ZNF438: variants seen among roughly 807,000 people sequenced by gnomAD.
ZNF438 encodes the protein zinc finger protein 438.
A neutral mutation model predicts 38.0 loss-of-function variants in ZNF438; 25 were observed. That is an observed-to-expected ratio of 0.66 (90% CI 0.48 to 0.92). ZNF438 has a LOEUF of 0.92. ZNF438 is among the 40% of genes least tolerant of loss of function. The pLI, the probability that ZNF438 is intolerant of heterozygous loss-of-function variation, is 0.00. For missense variants in ZNF438, 1,007 were observed against 999.6 expected, an observed-to-expected ratio of 1.01 and a Z score of -0.10; for synonymous variants, 372 against 364.1, an observed-to-expected ratio of 1.02 and a Z score of -0.25.
intron 4 of ZNF438, among the ~76,000 whole-genome samples, chr10:30,850,583 T>C (rs374709457): frequency 1.1e-4 from 16 of 152,194 alleles, no homozygotes; most frequent in African/African-American, 3.9e-4. Flanking sequence ...GTTCCTTAGC[T>C]CCTATTATGT....
At chr10:30,955,740 T>C (rs2048793379) in intron 1 of ZNF438, among the ~76,000 whole-genome samples, 1 of 152,240 alleles carries the variant, frequency 6.6e-6, no homozygotes, top group Non-Finnish European at 1.5e-5. Context: ...TAAATGAGAC[T>C]TGCTGTTTCA....
At chr10:30,867,640 A>T (rs1239740630) in intron 4 of ZNF438, among the ~76,000 whole-genome samples, 4 of 152,198 alleles carry the variant, frequency 2.6e-5, no homozygotes, top group African/African-American at 9.6e-5. Context: ...TTGAGATTCT[A>T]TAATTGTGTG....
chr10:30,954,078 G>A (rs921156588), intron 1 of ZNF438, among the ~76,000 whole-genome samples: 3 of 152,092 alleles, frequency 2.0e-5, no homozygotes, highest in African/African-American at 7.2e-5. Flanking sequence ...GGGATGTGGA[G>A]GTTGCATTGA....
At chr10:30,881,757 TAG>T (rs1193712188) in intron 3 of ZNF438, among the ~76,000 whole-genome samples, 3 of 151,196 alleles carry the variant, frequency 2.0e-5, no homozygotes, top group East Asian at 2.0e-4. Flanking sequence ...TGCAACAAAA[TAG>T]AGAGTCCATA....
chr10:30,954,648 C>CA (rs2048666306), intron 1 of ZNF438, among the ~76,000 whole-genome samples: 1 of 151,944 alleles, frequency 6.6e-6, no homozygotes, highest in South Asian at 2.1e-4. Context: ...GGTGTTGTTT[C>CA]AAAATACCTT....
At chr10:31,012,475 T>C (rs553470282) in intron 1 of ZNF438, among the ~76,000 whole-genome samples, 9 of 152,296 alleles carry the variant, frequency 5.9e-5, no homozygotes, top group Admixed American at 5.2e-4. Context: ...TACATACAAG[T>C]ATGTATATGT....
chr10:31,031,581 G>C (rs776036380), intron 1 of ZNF438, among the ~76,000 whole-genome samples: 15 of 152,174 alleles, frequency 9.9e-5, no homozygotes, highest in Non-Finnish European at 1.8e-4. Flanking sequence ...TCGCTCCCAG[G>C]CTCGGAGACG....
chr10:30,948,150 A>T (rs150254468), intron 1 of ZNF438, among the ~76,000 whole-genome samples: 5,328 of 152,204 alleles, frequency 0.035, 308 homozygotes, highest in African/African-American at 0.12. Flanking sequence ...CCGACATCTC[A>T]CACGGCAGGG....
At chr10:30,919,252 G>A (rs765880834) in intron 2 of ZNF438, 8 of 151,836 alleles carry the variant, frequency 5.3e-5, no homozygotes, top group Admixed American at 2.6e-4. Flanking sequence ...TGAATTAATC[G>A]AATTTCCCAT....
chr10:30,936,004 A>G (rs186057574), intron 2 of ZNF438, among the ~76,000 whole-genome samples: 2 of 152,306 alleles, frequency 1.3e-5, no homozygotes, highest in Non-Finnish European at 2.9e-5. Context: ...CATCCAAACT[A>G]TAGAAGAGGT....
At chr10:30,907,589 T>C (rs1455134767) in intron 3 of ZNF438, among the ~76,000 whole-genome samples, 1 of 152,206 alleles carries the variant, frequency 6.6e-6, no homozygotes, top group Non-Finnish European at 1.5e-5. Context: ...GACTCCGTTT[T>C]GGTAGTTTTT....
chr10:30,976,749 AAAAAAGAAG>A (rs1356480796), intron 1 of ZNF438, among the ~76,000 whole-genome samples: 1 of 152,176 alleles, frequency 6.6e-6, no homozygotes, highest in Non-Finnish European at 1.5e-5. Flanking sequence ...ATAAAAAAAA[AAAAAAGAAG>A]TCATATTACT....
chr10:30,967,789 G>A (rs1311480899), intron 1 of ZNF438, among the ~76,000 whole-genome samples: 1 of 152,172 alleles, frequency 6.6e-6, no homozygotes, highest in Non-Finnish European at 1.5e-5. Flanking sequence ...CTTGGCCAGT[G>A]CAAGCAGGCC....
chr10:31,004,061 G>A (rs112609614), intron 1 of ZNF438, among the ~76,000 whole-genome samples: 25 of 152,226 alleles, frequency 1.6e-4, no homozygotes, highest in African/African-American at 5.1e-4. Flanking sequence ...CTTCTCAATG[G>A]GGGGTGATTT....
chr10:30,951,366 C>A (rs2048172242), intron 1 of ZNF438, among the ~76,000 whole-genome samples: 1 of 150,050 alleles, frequency 6.7e-6, no homozygotes, highest in Admixed American at 6.7e-5. Context: ...TCTCACCACT[C>A]CTATTCAACA....
upstream of ZNF438, among the ~76,000 whole-genome samples, chr10:31,032,347 A>G (rs189434106): frequency 2.4e-3 from 362 of 152,126 alleles, 2 homozygotes; most frequent in African/African-American, 8.6e-3. Context: ...AGCCCTGAAA[A>G]GACAGCTCTC....
intron 1 of ZNF438, among the ~76,000 whole-genome samples, chr10:30,957,105 T>C (rs945139376): frequency 2.0e-5 from 3 of 152,198 alleles, no homozygotes; most frequent in African/African-American, 7.2e-5. Flanking sequence ...AAGATGATAA[T>C]CTCATTACTG....
At chr10:30,872,214 G>T (rs139037305) in intron 4 of ZNF438, among the ~76,000 whole-genome samples, 110 of 151,482 alleles carry the variant, frequency 7.3e-4, no homozygotes, top group African/African-American at 2.6e-3. Flanking sequence ...TAAGCCAGGG[G>T]GTTAAATTCA....
intron 3 of ZNF438, among the ~76,000 whole-genome samples, chr10:30,878,620 G>A (rs1258572238): frequency 2.0e-5 from 3 of 152,118 alleles, no homozygotes; most frequent in African/African-American, 4.8e-5. Flanking sequence ...GTGGAGTGTA[G>A]ACACCCCACA....
Sources: gnomAD v4.1 joint callset for allele counts (sites outside exome capture counted in the v4.1 genomes callset) on GRCh38, gnomAD v4.1.1 for gene constraint, MANE v1.5 for transcripts, NCBI Gene and HGNC (gene_info 2026-07-23, HGNC 2026-07-21) for gene names.